TECPR2: variants seen among roughly 807,000 people sequenced by gnomAD.
The protein encoded by TECPR2 is tectonin beta-propeller repeat containing 2.
TECPR2 carries 65 observed loss-of-function variants against 138.1 expected under a neutral mutation model. That is an observed-to-expected ratio of 0.47 (90% CI 0.39 to 0.58). The LOEUF (loss-of-function observed/expected upper bound fraction) is 0.58, where lower values mean the gene tolerates loss of function less well. TECPR2 is among the 20% of genes least tolerant of loss of function. The pLI is 0.00. For missense variants in TECPR2, 1,553 were observed against 1,824.5 expected (o/e 0.85, Z 2.71); for synonymous variants, 746 against 749.8 (o/e 0.99, Z 0.08).
chr14:102,457,523 GGA>G (rs1890304239), intron 16 of TECPR2, among the ~76,000 whole-genome samples: 1 of 152,188 alleles, frequency 6.6e-6, no homozygotes, highest in African/African-American at 2.4e-5. Context: ...TGACTGTAAA[GGA>G]GAGTCATCAA....
intron 4 of TECPR2, among the ~76,000 whole-genome samples, chr14:102,410,431 T>C (rs1305629343): frequency 6.8e-6 from 1 of 148,098 alleles, no homozygotes; most frequent in African/African-American, 2.5e-5. Flanking sequence ...AATCCCCCTC[T>C]GTGAGAAACA....
At chr14:102,421,332 T>G (rs994285395) in intron 5 of TECPR2, among the ~76,000 whole-genome samples, 1 of 152,016 alleles carries the variant, frequency 6.6e-6, no homozygotes, top group African/African-American at 2.4e-5. Context: ...GTTGATAGAG[T>G]TGTCCATAAA....
chr14:102,463,816 C>G (rs1890478328), intron 16 of TECPR2, among the ~76,000 whole-genome samples: 1 of 150,464 alleles, frequency 6.6e-6, no homozygotes, highest in South Asian at 2.1e-4. Flanking sequence ...CCCAGCTACT[C>G]AGGAGGCTGA....
intron 9 of TECPR2, among the ~76,000 whole-genome samples, chr14:102,436,528 C>G (rs1192545922): frequency 6.6e-6 from 1 of 152,162 alleles, no homozygotes; most frequent in African/African-American, 2.4e-5. Flanking sequence ...CCATATTGCC[C>G]AAGCTGGTCT....
chr14:102,481,062 T>C (rs893262892), intron 17 of TECPR2, among the ~76,000 whole-genome samples: 4 of 149,484 alleles, frequency 2.7e-5, no homozygotes, highest in Non-Finnish European at 5.9e-5. Context: ...CCCAGGCGCG[T>C]AGTGCAGTGG....
chr14:102,437,951 C>T (rs1889715741), intron 9 of TECPR2, 71 bp from the exon 10 acceptor site: 3 of 1,535,714 alleles, frequency 2.0e-6, no homozygotes, highest in South Asian at 2.4e-5. Context: ...TCTCACCTTT[C>T]TTACTGAGAA....
chr14:102,474,310 T>C (rs970063038), intron 17 of TECPR2, among the ~76,000 whole-genome samples: 6 of 151,784 alleles, frequency 4.0e-5, no homozygotes, highest in African/African-American at 1.5e-4. Context: ...ACTGAAAACC[T>C]AGAAGAAACT....
chr14:102,451,103 G>A (rs1032385435), intron 15 of TECPR2, among the ~76,000 whole-genome samples: 63 of 152,222 alleles, frequency 4.1e-4, no homozygotes, highest in Non-Finnish European at 8.8e-5. Context: ...GCCCTGCAGC[G>A]GGGTGCTCCT....
At chr14:102,489,967 C>G (rs1180585864) in intron 17 of TECPR2, among the ~76,000 whole-genome samples, 1 of 151,886 alleles carries the variant, frequency 6.6e-6, no homozygotes, top group Admixed American at 6.6e-5. Context: ...GAGGCACTTA[C>G]ATCAGTGCCT....
intron 1 of TECPR2, among the ~76,000 whole-genome samples, chr14:102,373,314 C>T (rs2146965): frequency 0.014 from 2,083 of 151,938 alleles, 14 homozygotes; most frequent in Non-Finnish European, 0.02. Context: ...TAAGATTGAG[C>T]GAAAACGATA....
At chr14:102,460,613 C>CA (rs143550871) in intron 16 of TECPR2, among the ~76,000 whole-genome samples, 29 of 125,838 alleles carry the variant, frequency 2.3e-4, no homozygotes, top group East Asian at 4.8e-4. Context: ...GACTCTGTCT[C>CA]AAAAAAAAAA....
chr14:102,389,797 A>G (rs1054021537), intron 2 of TECPR2, among the ~76,000 whole-genome samples: 1 of 152,244 alleles, frequency 6.6e-6, no homozygotes, highest in Non-Finnish European at 1.5e-5. Flanking sequence ...CTCTAATGAT[A>G]GAGTCCCTGG....
chr14:102,464,792 C>A, intron 16 of TECPR2, among the ~76,000 whole-genome samples: 1 of 152,142 alleles, frequency 6.6e-6, no homozygotes, highest in East Asian at 1.9e-4. Context: ...GACGATGGGA[C>A]CCACATTGAG....
chr14:102,496,034 C>T (rs914179755), intron 17 of TECPR2, among the ~76,000 whole-genome samples: 3 of 152,256 alleles, frequency 2.0e-5, no homozygotes, highest in African/African-American at 7.2e-5. Context: ...ATTGTATTCA[C>T]GGCAGCCCTG....
intron 16 of TECPR2, among the ~76,000 whole-genome samples, chr14:102,457,650 T>A (rs1290455080): frequency 6.6e-6 from 1 of 152,074 alleles, no homozygotes; most frequent in Non-Finnish European, 1.5e-5. Flanking sequence ...ATCCTAGCAC[T>A]TTGGGAGGAC....
rs993714757 is a variant in TECPR2, at chr14:102,432,105, G to A, written c.1394G>A (p.Arg465Lys). 9.4e-6 allele frequency: 15 copies of A among 1,590,656 alleles called. No homozygotes were observed. The highest frequency in any genetic ancestry group is 1.3e-5 in the African/African-American group (1 of 74,320). ...GTCGTGAAGCCTATCAAAGTGAAAA[G>A]GAAGAAGAAGAAGAAGAAGACAGGT... The part of the protein sequence containing the change: ...ELVVKPIKVK[R>K]KKKKKKTEGG... The change falls in exon 8 of 20, where the codon AGG becomes AAG. Residue 465 changes from arginine to lysine, a missense_variant. Coordinates refer to ENST00000359520, the MANE Select transcript of TECPR2 (RefSeq NM_014844.5).
rs748372168 is a variant in TECPR2, at chr14:102,457,869, C to CTT, written c.3640+5262_3640+5263dup. Among the ~76,000 whole-genome samples the CTT allele has an allele frequency of 1.2e-3, 128 of 102,736 alleles. 1 individual carries two copies. The highest frequency in any genetic ancestry group is 2.5e-3 in the African/African-American group (60 of 24,482). The allele number at this position is 102,736 out of a possible 152,430, so 67.4% of individuals were successfully genotyped here. A position where few individuals can be genotyped will look rare whatever the true frequency, so the allele number is the denominator to read the frequency against. ...CGCTCCTCTGCTCCCACTAAATTCC[C>CTT]TTTTTTTTTTTTTTTTTTTTTGAGA... On this transcript the variant is annotated intron_variant, in intron 16 of 19. Transcript: ENST00000359520.
chr14:102,499,870 T>C lies in TECPR2; in HGVS notation c.*1613T>C, dbSNP rs1051874738. On this transcript the variant is annotated 3_prime_UTR_variant, in exon 20 of 20. Transcript: ENST00000359520. ...CAGCCACATAGGTGGAGGTTTTCCATGTCCAAATGAGGTCAAGATGCCGAA... is the reference window on the plus strand; with the variant it reads ...CAGCCACATAGGTGGAGGTTTTCCACGTCCAAATGAGGTCAAGATGCCGAA... 33 of 153,116 alleles carry C rather than the reference T, an allele frequency of 2.2e-4. No individual in the cohort carries two copies. Among genetic ancestry groups the C allele is most frequent in the Non-Finnish European group, 4.4e-4 (30 of 68,534 alleles). 9.5% of individuals were successfully genotyped at this position (153,116 alleles called of 1,614,324 possible).
chr14:102,500,052 G>A lies in TECPR2; in HGVS notation c.*1795G>A, dbSNP rs1262836354. 6.5e-6 allele frequency: 1 copy of A among 152,696 alleles called. No homozygotes were observed. Among genetic ancestry groups the A allele is most frequent in the Non-Finnish European group, 1.5e-5 (1 of 68,064 alleles). 9.5% of individuals were successfully genotyped at this position (152,696 alleles called of 1,614,324 possible). The stretch of plus-strand genomic sequence containing the variant: ...AGCTCTCCTCACCCATGGGACTGTA[G>A]TGCAATTAAACCCGCGTCTAGGTGA... On this transcript the variant is annotated 3_prime_UTR_variant, in exon 20 of 20. Coordinates refer to ENST00000359520, the MANE Select transcript of TECPR2 (RefSeq NM_014844.5).
Sources: allele counts gnomAD v4.1 joint callset (sites outside exome capture counted in the v4.1 genomes callset), GRCh38; gene constraint gnomAD v4.1.1; transcripts MANE v1.5; gene names NCBI Gene and HGNC (gene_info 2026-07-23, HGNC 2026-07-21).